Variants in UBAP1 observed in about 807,000 individuals in gnomAD.
The protein encoded by UBAP1 is ubiquitin-associated protein 1.
Under a neutral mutation model 39.0 loss-of-function variants are expected in UBAP1, and 5 were observed. The ratio of observed to expected loss-of-function variants is 0.13; its 90% confidence interval spans 0.07 to 0.27. The LOEUF (loss-of-function observed/expected upper bound fraction) is 0.27. Ranked by LOEUF, UBAP1 falls within the 10% of genes least tolerant of loss-of-function variation. The probability of loss-of-function intolerance (pLI) is 1.00; values close to 1 mark genes in which losing one functional copy is unlikely to be tolerated. For synonymous variants in UBAP1, 211 were observed against 225.1 expected, an observed-to-expected ratio of 0.94 and a Z score of 0.56; for missense variants, 490 against 608.1, an observed-to-expected ratio of 0.81 and a Z score of 2.04.
chr9:34,229,606 C>T (rs921816889), intron 2 of UBAP1, among the ~76,000 whole-genome samples: 3 of 148,900 alleles, frequency 2.0e-5, no homozygotes, highest in Admixed American at 6.7e-5. Flanking sequence ...GGAGCCATCT[C>T]GGCTCACTGC....
intron 1 of UBAP1, among the ~76,000 whole-genome samples, chr9:34,181,459 G>A (rs4421437): frequency 0.13 from 18,636 of 146,192 alleles, 1,501 homozygotes; most frequent in Non-Finnish European, 0.18. Flanking sequence ...TTGAGACGGA[G>A]TCTCCCTCTG....
intron 1 of UBAP1, among the ~76,000 whole-genome samples, chr9:34,181,490 T>G (rs1310166584): frequency 6.6e-6 from 1 of 151,646 alleles, no homozygotes; most frequent in Non-Finnish European, 1.5e-5. Context: ...TGGAGTGCAG[T>G]GGCGCGATCT....
chr9:34,211,405 G>A (rs1267974065), intron 1 of UBAP1, among the ~76,000 whole-genome samples: 3 of 152,148 alleles, frequency 2.0e-5, no homozygotes, highest in Non-Finnish European at 2.9e-5. Context: ...ATCTTTTTGT[G>A]TAAATTAGAT....
chr9:34,181,804 CTTTCG>C (rs1830056884), intron 1 of UBAP1, among the ~76,000 whole-genome samples: 1 of 142,390 alleles, frequency 7.0e-6, no homozygotes, highest in African/African-American at 2.6e-5. Flanking sequence ...TCTTCAGTTT[CTTTCG>C]TTTAGTATTT....
chr9:34,236,908 C>T lies in UBAP1; in HGVS notation c.159+2568C>T, dbSNP rs374307201. 2.3e-4 allele frequency among the ~76,000 whole-genome samples: 35 copies of T among 152,184 alleles called. No individual in the cohort carries two copies. In the East Asian group the frequency reaches 2.5e-3, roughly 11 times the overall value. ...AAAGCAATTGAGCTCATCACCTCCT[C>T]CATGTTCCCTCCAAACCACGTTACT... is the stretch of plus-strand genomic sequence containing the variant. On this transcript the variant is annotated intron_variant, in intron 3 of 6. Transcript: ENST00000297661.
chr9:34,228,780 C>G (rs1833251870), intron 2 of UBAP1, among the ~76,000 whole-genome samples: 1 of 150,842 alleles, frequency 6.6e-6, no homozygotes, highest in Non-Finnish European at 1.5e-5. Flanking sequence ...GGGGTTTCAC[C>G]ATGTTGGCCA....
chr9:34,182,677 T>TCTCTCTCTCTCTC (rs1563881334), intron 1 of UBAP1, among the ~76,000 whole-genome samples: 1 of 71,928 alleles, frequency 1.4e-5, no homozygotes, highest in African/African-American at 5.2e-5. Context: ...CTTTCTTTCT[T>TCTCTCTCTCTCTC]TCTTTCTCTC....
chr9:34,232,821 T>G (rs1264319472), intron 2 of UBAP1, among the ~76,000 whole-genome samples: 1 of 152,258 alleles, frequency 6.6e-6, no homozygotes, highest in African/African-American at 2.4e-5. Flanking sequence ...CTTTACCAGC[T>G]GCCAATGTTG....
intron 2 of UBAP1, among the ~76,000 whole-genome samples, chr9:34,222,397 C>G (rs1178057927): frequency 1.3e-5 from 2 of 152,210 alleles, no homozygotes; most frequent in African/African-American, 2.4e-5. Flanking sequence ...CTGGAATTAG[C>G]ATTCCTTAAA....
At chr9:34,241,129 T>G in intron 3 of UBAP1, 56 bp from the exon 4 acceptor site, 1 of 1,282,470 alleles carries the variant, frequency 7.8e-7, no homozygotes, top group Non-Finnish European at 1.0e-6. Context: ...AATTGGGTGG[T>G]GGGGTAAAGA....
intron 1 of UBAP1, among the ~76,000 whole-genome samples, chr9:34,214,465 A>G (rs1309389151): frequency 6.6e-6 from 1 of 152,194 alleles, no homozygotes; most frequent in African/African-American, 2.4e-5. Flanking sequence ...TTGGCTGGCC[A>G]TATGTAGGAC....
chr9:34,218,444 C>T (rs1165367291), intron 1 of UBAP1, among the ~76,000 whole-genome samples: 1 of 152,038 alleles, frequency 6.6e-6, no homozygotes, highest in Non-Finnish European at 1.5e-5. Flanking sequence ...CTTCTTCAAA[C>T]AGCTGATATC....
intron 1 of UBAP1, among the ~76,000 whole-genome samples, chr9:34,190,491 T>C (rs1830653216): frequency 6.6e-6 from 1 of 151,572 alleles, no homozygotes; most frequent in Admixed American, 6.6e-5. Context: ...GGTTTCACCA[T>C]GTTGGCCAGG....
At chr9:34,202,093 A>G (rs1222628430) in intron 1 of UBAP1, among the ~76,000 whole-genome samples, 2 of 152,026 alleles carry the variant, frequency 1.3e-5, no homozygotes, top group African/African-American at 2.4e-5. Context: ...AAGCTCTCCA[A>G]ATCCAGTCCT....
intron 2 of UBAP1, among the ~76,000 whole-genome samples, chr9:34,233,282 C>T (rs989288023): frequency 2.0e-5 from 3 of 146,746 alleles, no homozygotes; most frequent in Non-Finnish European, 4.5e-5. Flanking sequence ...AGTGCAGTGG[C>T]GCGATCTCGG....
chr9:34,238,453 G>A (rs564816652), intron 3 of UBAP1, among the ~76,000 whole-genome samples: 1 of 152,258 alleles, frequency 6.6e-6, no homozygotes, highest in African/African-American at 2.4e-5. Context: ...TTCCAAAGTG[G>A]CTGCACAATT....
At chr9:34,230,003 T>G (rs1467300292) in intron 2 of UBAP1, among the ~76,000 whole-genome samples, 2 of 152,104 alleles carry the variant, frequency 1.3e-5, no homozygotes, top group Non-Finnish European at 2.9e-5. Context: ...CTTTTGTAGT[T>G]TTTCTCCAAC....
chr9:34,222,463 A>G (rs1216130108), intron 2 of UBAP1, among the ~76,000 whole-genome samples: 1 of 152,140 alleles, frequency 6.6e-6, no homozygotes, highest in Admixed American at 6.6e-5. Flanking sequence ...ATGGATTATT[A>G]CAGGTCTTCT....
At chr9:34,215,276 A>AGT (rs889510369) in intron 1 of UBAP1, among the ~76,000 whole-genome samples, 60 of 151,596 alleles carry the variant, frequency 4.0e-4, no homozygotes, top group Admixed American at 5.3e-4. Flanking sequence ...TATATATGAT[A>AGT]GTGTGTGTGT....
Sources: allele counts gnomAD v4.1 joint callset (sites outside exome capture counted in the v4.1 genomes callset), GRCh38; gene constraint gnomAD v4.1.1; transcripts MANE v1.5; gene names NCBI Gene and HGNC (gene_info 2026-07-23, HGNC 2026-07-21).